Variants in HAT1 observed in about 807,000 individuals in gnomAD.
HAT1 encodes histone acetyltransferase type B catalytic subunit.
HAT1 carries 20 observed loss-of-function variants against 56.6 expected under a neutral mutation model. That is an observed-to-expected ratio of 0.35 (90% CI 0.25 to 0.51). The LOEUF is 0.51. Among genes scored for constraint, HAT1 ranks in the 20% least tolerant of loss-of-function variants. The pLI, the probability that HAT1 is intolerant of heterozygous loss-of-function variation, is 0.95. For missense variants in HAT1, 408 were observed against 504.3 expected (o/e 0.81, Z 1.83); for synonymous variants, 146 against 165.5 (o/e 0.88, Z 0.91).
intron 10 of HAT1, among the ~76,000 whole-genome samples, chr2:171,981,869 C>T (rs1688140234): frequency 6.6e-6 from 1 of 151,992 alleles, no homozygotes; most frequent in African/African-American, 2.4e-5. Context: ...AAGGTTTTGA[C>T]CTTTAAGTAA....
chr2:171,953,626 TAAAAAAAAAAAAAAAA>T (rs587686867), intron 4 of HAT1, among the ~76,000 whole-genome samples: 1 of 84,610 alleles, frequency 1.2e-5, no homozygotes, highest in Admixed American at 1.6e-4. Flanking sequence ...CCCTGTCTCT[TAAAAAAAAAAAAAAAA>T]AAAAAAAAAA....
chr2:171,945,760 C>T (rs1687148101), intron 2 of HAT1, among the ~76,000 whole-genome samples: 1 of 152,190 alleles, frequency 6.6e-6, no homozygotes, highest in African/African-American at 2.4e-5. Context: ...CCTCCGCCTC[C>T]TGGGCTCAAG....
chr2:171,925,678 C>T, intron 2 of HAT1, 37 bp downstream of exon 2: 1 of 853,356 alleles, frequency 1.2e-6, no homozygotes, highest in Non-Finnish European at 2.0e-6. Context: ...TATGTACATA[C>T]TGTGTGTGTA....
chr2:171,951,402 T>TTA (rs1687303822), intron 3 of HAT1, among the ~76,000 whole-genome samples: 1 of 152,052 alleles, frequency 6.6e-6, no homozygotes, highest in Non-Finnish European at 1.5e-5. Context: ...GTAGATAAGA[T>TTA]CTAGTTTTAC....
chr2:171,939,551 C>G (rs967053207), intron 2 of HAT1, among the ~76,000 whole-genome samples: 1 of 152,184 alleles, frequency 6.6e-6, no homozygotes, highest in African/African-American at 2.4e-5. Flanking sequence ...AAAACTTTAG[C>G]CAGTGATCTA....
chr2:171,958,170 C>A (rs1330191220), intron 4 of HAT1, among the ~76,000 whole-genome samples: 1 of 152,000 alleles, frequency 6.6e-6, no homozygotes, highest in Non-Finnish European at 1.5e-5. Context: ...TGCCCAAAGT[C>A]ATACAACTAG....
At chr2:171,944,706 A>G (rs1380905736) in intron 2 of HAT1, among the ~76,000 whole-genome samples, 3 of 152,198 alleles carry the variant, frequency 2.0e-5, no homozygotes, top group Non-Finnish European at 2.9e-5. Flanking sequence ...CTGTCCCACA[A>G]TGAATGATGC....
At position 171,965,483 on chromosome 2, in the gene HAT1, C is replaced by T. The variant is rs912619816; in HGVS notation, c.455C>T (p.Thr152Ile). The T allele has an allele frequency of 6.3e-7, 1 of 1,599,750 alleles. No homozygotes were observed. The highest frequency in any genetic ancestry group is 8.5e-7 in the Non-Finnish European group (1 of 1,172,352). The change falls in exon 5 of 11, where the codon ACA becomes ATA. Residue 152 changes from threonine to isoleucine, a missense_variant. Thr to Ile is a moderately conservative substitution (Grantham distance 89). Coordinates refer to ENST00000264108, the MANE Select transcript of HAT1 (RefSeq NM_003642.4). The stretch of plus-strand genomic sequence containing the variant: ...CATACCTACTCAGTTCTCAGTCCAA[C>T]AGGAGGAGAAAACTTTACCTTTCAG... ...LLHTYSVLSP[T>I]GGENFTFQIY...
chr2:171,945,488 G>T (rs1487983019), intron 2 of HAT1, among the ~76,000 whole-genome samples: 4 of 143,138 alleles, frequency 2.8e-5, no homozygotes, highest in Admixed American at 1.5e-4. Context: ...TAGCTAGCTA[G>T]CTATCTATAA....
intron 8 of HAT1, among the ~76,000 whole-genome samples, chr2:171,974,173 C>CAAAAAAAAAAAAAAAAAAAAAAAAA (rs1183466393): frequency 6.6e-5 from 3 of 45,560 alleles, no homozygotes; most frequent in Non-Finnish European, 1.1e-4. Context: ...GACCCTGTCT[C>CAAAAAAAAAAAAAAAAAAAAAAAAA]AAAAAAAAAA....
At chr2:171,946,198 G>T (rs1042151105) in intron 2 of HAT1, among the ~76,000 whole-genome samples, 2 of 152,140 alleles carry the variant, frequency 1.3e-5, no homozygotes, top group African/African-American at 4.8e-5. Context: ...AGTACAGCAG[G>T]ATGTATATAA....
chr2:171,947,498 C>T (rs961127520), intron 3 of HAT1, among the ~76,000 whole-genome samples: 1 of 152,124 alleles, frequency 6.6e-6, no homozygotes, highest in African/African-American at 2.4e-5. Flanking sequence ...TCAAGTGATC[C>T]TCCCACCTGC....
chr2:171,925,439 T>C, intron 1 of HAT1, 98 bp from the exon 2 acceptor site: 1 of 644,210 alleles, frequency 1.6e-6, no homozygotes. Flanking sequence ...ATCAGCATGT[T>C]TTAAATCATA....
intron 2 of HAT1, among the ~76,000 whole-genome samples, chr2:171,937,005 A>G (rs1313788310): frequency 2.6e-5 from 4 of 152,094 alleles, no homozygotes; most frequent in African/African-American, 7.2e-5. Flanking sequence ...CCCAGGCTGG[A>G]GTGCAGTGGT....
intron 2 of HAT1, among the ~76,000 whole-genome samples, chr2:171,926,912 A>T (rs556703066): frequency 6.6e-6 from 1 of 152,354 alleles, no homozygotes; most frequent in African/African-American, 2.4e-5. Context: ...GATATATATC[A>T]GCTGGTAAAT....
intron 3 of HAT1, among the ~76,000 whole-genome samples, chr2:171,952,236 C>T (rs1687327105): frequency 6.6e-6 from 1 of 152,174 alleles, no homozygotes; most frequent in Non-Finnish European, 1.5e-5. Context: ...CACTAATTTA[C>T]TTTCTGTCTC....
intron 3 of HAT1, among the ~76,000 whole-genome samples, chr2:171,948,161 C>A (rs764613305): frequency 2.0e-5 from 3 of 152,078 alleles, no homozygotes; most frequent in Non-Finnish European, 2.9e-5. Context: ...TCCTTTACAC[C>A]TCATTTCTTT....
At chr2:171,951,585 ATTTTTTTTT>A (rs35551729) in intron 3 of HAT1, among the ~76,000 whole-genome samples, 2 of 121,690 alleles carry the variant, frequency 1.6e-5, no homozygotes, top group Non-Finnish European at 3.4e-5. Context: ...ACACCTGCCT[ATTTTTTTTT>A]TTTTTTTTTT....
intron 2 of HAT1, among the ~76,000 whole-genome samples, chr2:171,942,902 T>C (rs1043092672): frequency 3.3e-5 from 5 of 152,164 alleles, no homozygotes; most frequent in Admixed American, 6.5e-5. Context: ...TTCTTACTCA[T>C]TACTTGTTCT....
Sources: allele counts gnomAD v4.1 joint callset (sites outside exome capture counted in the v4.1 genomes callset), GRCh38; gene constraint gnomAD v4.1.1; transcripts MANE v1.5; gene names NCBI Gene and HGNC (gene_info 2026-07-23, HGNC 2026-07-21).